The following RSU1 variants were observed in gnomAD, a reference collection of about 807,000 sequenced individuals.
The protein encoded by RSU1 is rsu-1.
In RSU1, 26 loss-of-function variants were observed where a neutral mutation model predicts 31.1. The ratio of observed to expected loss-of-function variants is 0.84; its 90% CI spans 0.61 to 1.16. RSU1 has a LOEUF of 1.16. RSU1 is among the 50% of genes most tolerant of loss of function. The pLI is 0.00. For synonymous variants in RSU1, 164 were observed against 136.3 expected (o/e 1.20, Z -1.41); for missense variants, 320 against 339.1 (o/e 0.94, Z 0.44).
chr10:16,721,907 G>A (rs986579179), intron 7 of RSU1, among the ~76,000 whole-genome samples: 4 of 152,132 alleles, frequency 2.6e-5, no homozygotes, highest in African/African-American at 4.8e-5. Context: ...TCAATGTAAA[G>A]CTGTTAGAAC....
At chr10:16,629,585 T>C (rs1475662880) in intron 8 of RSU1, among the ~76,000 whole-genome samples, 1 of 152,178 alleles carries the variant, frequency 6.6e-6, no homozygotes, top group Non-Finnish European at 1.5e-5. Context: ...ATTCCTTCCT[T>C]GGATGCAACA....
At chr10:16,674,399 G>T (rs529507839) in intron 8 of RSU1, among the ~76,000 whole-genome samples, 1 of 139,976 alleles carries the variant, frequency 7.1e-6, no homozygotes, top group African/African-American at 2.6e-5. Context: ...GTCACGGAAG[G>T]TTTTTTTTTT....
At chr10:16,803,804 A>G (rs934575176) in intron 2 of RSU1, among the ~76,000 whole-genome samples, 4 of 152,204 alleles carry the variant, frequency 2.6e-5, no homozygotes, top group African/African-American at 9.6e-5. Context: ...CTAGACAAAG[A>G]CCTAACATCG....
At chr10:16,614,413 A>G (rs904474916) in intron 8 of RSU1, among the ~76,000 whole-genome samples, 13 of 146,522 alleles carry the variant, frequency 8.9e-5, no homozygotes, top group Admixed American at 4.7e-4. Context: ...AATGGTTAAA[A>G]AAAAAAATAG....
rs72774624 is a variant in RSU1, at chr10:16,710,663, T to A, written c.599-15508A>T. On this transcript the variant is annotated intron_variant, in intron 7 of 8. Coordinates refer to ENST00000345264, the MANE Select transcript of RSU1 (RefSeq NM_012425.4). ...CTTTTCTTTGATGAAACATTTTTTT[T>A]AAATTTTTTTATTTTTTATTATACT... Among the ~76,000 whole-genome samples, 522 of 152,110 alleles carry A rather than the reference T, an allele frequency of 3.4e-3. 1 individual carries two copies. Among genetic ancestry groups the A allele is most frequent in the Middle Eastern group, 0.01 (3 of 292 alleles).
rs1554767093 is a variant in RSU1, at chr10:16,695,162, G to GGGGC, written c.599-8_599-7insGCCC. On this transcript the variant is annotated splice_polypyrimidine_tract_variant and splice_region_variant and intron_variant, in intron 7 of 8. Coordinates refer to ENST00000345264, the MANE Select transcript of RSU1 (RefSeq NM_012425.4). The stretch of plus-strand genomic sequence containing the variant: ...CCAGTTAAATCCAAGTTTCCTGGGG[G>GGGGC]GGGGGAAAAAAAAAGTGAAGGTCAC... 2.7e-6 allele frequency: 4 copies of GGGGC among 1,479,580 alleles called. No homozygotes were observed. Among genetic ancestry groups the GGGGC allele is most frequent in the Non-Finnish European group, 3.6e-6 (4 of 1,099,844 alleles). The allele number at this position is 1,479,580 out of a possible 1,614,324, so 91.7% of individuals were successfully genotyped here.
At chr10:16,705,489 G>T (rs113570555) in intron 7 of RSU1, among the ~76,000 whole-genome samples, 4 of 151,506 alleles carry the variant, frequency 2.6e-5, no homozygotes, top group Admixed American at 2.6e-4. Flanking sequence ...TTTTCCCCAT[G>T]CATTTTATTT....
At position 16,754,999 on chromosome 10, in the gene RSU1, G is replaced by A; in HGVS notation, c.282-10C>T. 6.4e-7 allele frequency: 1 copy of A among 1,573,238 alleles called. No homozygotes were observed. Among genetic ancestry groups the A allele is most frequent in the Non-Finnish European group, 8.7e-7 (1 of 1,147,776 alleles). ...GTTCAGCCTGTTCATGCTGTTGCAG[G>A]GGGACAAAAATCTATGTCATGACAC... On this transcript the variant is annotated splice_polypyrimidine_tract_variant and intron_variant, in intron 4 of 8. Transcript: ENST00000345264.
intron 7 of RSU1, among the ~76,000 whole-genome samples, chr10:16,713,108 T>G (rs1000862122): frequency 6.6e-6 from 1 of 152,236 alleles, no homozygotes; most frequent in African/African-American, 2.4e-5. Flanking sequence ...CCCTTGTGTG[T>G]GATGTGACAC....
chr10:16,694,898 A>C (rs139210580), intron 8 of RSU1, 125 bp downstream of exon 8: 2 of 902,514 alleles, frequency 2.2e-6, no homozygotes, highest in Non-Finnish European at 3.3e-6. Context: ...TTTTTAATAA[A>C]ACATCTTAAA....
intron 8 of RSU1, among the ~76,000 whole-genome samples, chr10:16,643,714 C>G (rs73601072): frequency 0.022 from 3,276 of 152,164 alleles, 122 homozygotes; most frequent in African/African-American, 0.075. Context: ...AGACTTGGAA[C>G]ATGGTTCTCC....
At chr10:16,726,580 A>G (rs575180233) in intron 7 of RSU1, among the ~76,000 whole-genome samples, 2 of 152,258 alleles carry the variant, frequency 1.3e-5, no homozygotes, top group Non-Finnish European at 2.9e-5. Flanking sequence ...CGTATCTTGA[A>G]TGATGGTCAC....
intron 8 of RSU1, among the ~76,000 whole-genome samples, chr10:16,661,283 AGTGCGT>A (rs1387496493): frequency 0.043 from 5,029 of 115,906 alleles, 268 homozygotes; most frequent in African/African-American, 0.15. Context: ...ATATGTAGAG[AGTGCGT>A]GTGTGTGTGT....
intron 3 of RSU1, among the ~76,000 whole-genome samples, chr10:16,772,505 G>A (rs7087515): frequency 0.2 from 30,623 of 151,850 alleles, 3,322 homozygotes; most frequent in African/African-American, 0.29. Context: ...GGGAGGGAGA[G>A]GCAGCACTGA....
At chr10:16,642,409 C>T (rs1283138725) in intron 8 of RSU1, among the ~76,000 whole-genome samples, 1 of 152,150 alleles carries the variant, frequency 6.6e-6, no homozygotes, top group African/African-American at 2.4e-5. Flanking sequence ...CTCTGGTTAG[C>T]AATAGGAATC....
intron 4 of RSU1, among the ~76,000 whole-genome samples, chr10:16,760,569 C>A (rs1837191605): frequency 6.7e-6 from 1 of 150,186 alleles, no homozygotes; most frequent in Non-Finnish European, 1.5e-5. Context: ...TGCCTCAAAC[C>A]AAAATGTTAT....
Position 16,764,502 on chromosome 10 carries a change from G to C in RSU1, c.169C>G (p.Pro57Ala). The change falls in exon 4 of 9, where the codon CCG becomes GCG. Residue 57 changes from proline (P) to alanine (A), a missense_variant. Pro to Ala is a conservative substitution (Grantham distance 27, BLOSUM62 -1). Transcript: ENST00000345264. ...AAATTCTTCAGTTCTGCGATGTTCG[G>C]TGGCACCACTATGGAAACAAAAATG... ...LSHNKLTMVP[P>A]NIAELKNLEV... is the part of the protein sequence containing the mutation. 1.2e-6 allele frequency: 2 copies of C among 1,612,976 alleles called. No individual in the cohort carries two copies. Among genetic ancestry groups the C allele is most frequent in the Non-Finnish European group, 1.7e-6 (2 of 1,179,440 alleles).
At chr10:16,787,792 C>A (rs1404386392) in intron 2 of RSU1, among the ~76,000 whole-genome samples, 1 of 152,210 alleles carries the variant, frequency 6.6e-6, no homozygotes, top group Non-Finnish European at 1.5e-5. Context: ...TCCATTAAAC[C>A]TCTCTCTTTA....
chr10:16,634,239 G>C (rs1045356669), intron 8 of RSU1, among the ~76,000 whole-genome samples: 1 of 152,150 alleles, frequency 6.6e-6, no homozygotes, highest in Non-Finnish European at 1.5e-5. Flanking sequence ...CTGGTGGGAG[G>C]AAACAGAAAT....
Sources: allele counts gnomAD v4.1 joint callset (sites outside exome capture counted in the v4.1 genomes callset), GRCh38; gene constraint gnomAD v4.1.1; transcripts MANE v1.5; gene names NCBI Gene and HGNC (gene_info 2026-07-23, HGNC 2026-07-21).